PCDHGB2: variants seen among roughly 807,000 people sequenced by gnomAD.
PCDHGB2 encodes the protein protocadherin gamma-B2.
PCDHGB2 carries 55 observed loss-of-function variants against 59.3 expected under a neutral mutation model. The observed-to-expected ratio is 0.93, with a 90% confidence interval of 0.75 to 1.16. The LOEUF (loss-of-function observed/expected upper bound fraction) is 1.16. Ranked by LOEUF, PCDHGB2 falls within the 50% of genes most tolerant of loss-of-function variation. The pLI is 0.00. For missense variants in PCDHGB2, 1,228 were observed against 1,198.5 expected, an observed-to-expected ratio of 1.02 and a Z score of -0.36; for synonymous variants, 516 against 512.0, an observed-to-expected ratio of 1.01 and a Z score of -0.11.
chr5:141,455,833 G>A (rs999291826), intron 1 of PCDHGB2, among the ~76,000 whole-genome samples: 1 of 151,468 alleles, frequency 6.6e-6, no homozygotes, highest in Admixed American at 6.6e-5. Flanking sequence ...CCCTTTTCCT[G>A]TCTATCTGCA....
chr5:141,421,219 G>C (rs894586889), intron 1 of PCDHGB2: 1 of 1,573,208 alleles, frequency 6.4e-7, no homozygotes. Context: ...TATCGGCTTA[G>C]AGCCTGCCAT....
In PCDHGB2 at chr5:141,477,018, C is replaced by T. The variant is rs2099403540; in HGVS notation, c.2422-17789C>T. The T allele has an allele frequency of 3.1e-6, 5 of 1,614,262 alleles. No homozygotes were observed. Among genetic ancestry groups the T allele is most frequent in the Non-Finnish European group, 4.2e-6 (5 of 1,180,048 alleles). ...CAACTATTCGCCTTAGACCTTGTAA[C>T]CGGGATGCTGACAATCAAGGGTCGG... On this transcript the variant is annotated intron_variant, in intron 1 of 3. Coordinates refer to ENST00000522605, the MANE Select transcript of PCDHGB2 (RefSeq NM_018923.3). The surrounding 1 kb of genome is among the most constrained non-coding windows in gnomAD (Gnocchi z 4.9).
At position 141,423,457 on chromosome 5, in the gene PCDHGB2, G is replaced by A. The variant is rs148481587; in HGVS notation, c.2421+60901G>A. 6.9e-5 allele frequency: 111 copies of A among 1,614,010 alleles called. 2 individuals carry two copies. The South Asian group carries it at 9.3e-4, about 14-fold the overall frequency. ...TATGCCCACGTCACATTTTGTAGGC[G>A]TGGACGGGGTACAGGCTTTCCTGCA... On this transcript the variant is annotated intron_variant, in intron 1 of 3. Coordinates refer to ENST00000522605, the MANE Select transcript of PCDHGB2 (RefSeq NM_018923.3).
chr5:141,470,123 C>T (rs368463710), intron 1 of PCDHGB2, among the ~76,000 whole-genome samples: 11 of 151,234 alleles, frequency 7.3e-5, no homozygotes, highest in Admixed American at 3.3e-4. Flanking sequence ...AGCAAGACTT[C>T]GTCTCAAAAA....
In PCDHGB2 at chr5:141,394,672, G is replaced by A. The variant is rs1407775660; in HGVS notation, c.2421+32116G>A. 4 of 1,612,088 alleles carry A rather than the reference G, an allele frequency of 2.5e-6. No individual in the cohort carries two copies. In the African/African-American group the frequency reaches 5.4e-5, roughly 22 times the overall value. On this transcript the variant is annotated intron_variant, in intron 1 of 3. Transcript: ENST00000522605. Reference sequence around the variant, plus strand: ...AGCGAGCCGGGACTCTTCTCGGTGGGTCTGCACACGGGCGAGGTGCGCACG... The same window carrying A: ...AGCGAGCCGGGACTCTTCTCGGTGGATCTGCACACGGGCGAGGTGCGCACG...
chr5:141,375,785 C>G, intron 1 of PCDHGB2: 1 of 1,614,256 alleles, frequency 6.2e-7, no homozygotes, highest in Non-Finnish European at 8.5e-7. Context: ...CCCCGCCCTC[C>G]CCACAGACGG....
At chr5:141,393,227 A>G (rs1389818557) in intron 1 of PCDHGB2, 1 of 1,613,740 alleles carries the variant, frequency 6.2e-7, no homozygotes, top group Non-Finnish European at 8.5e-7. Context: ...TCGAAGATCT[A>G]GAAGTAAAAA....
Position 141,414,954 on chromosome 5 carries a change from C to T in PCDHGB2, c.2421+52398C>T, listed in dbSNP as rs759955017. ...CCGCAGAGCCCGGCTACCTGGTGAC[C>T]AAGGTGGTGGCGGTGGACAGAGACT... On this transcript the variant is annotated intron_variant, in intron 1 of 3. Coordinates refer to ENST00000522605, the MANE Select transcript of PCDHGB2 (RefSeq NM_018923.3). 10 of 1,614,058 alleles carry T rather than the reference C, an allele frequency of 6.2e-6. No individual in the cohort carries two copies. The Admixed American group carries it at 1.7e-4, about 27-fold the overall frequency.
At chr5:141,401,802 A>C (rs1030250595) in intron 1 of PCDHGB2, among the ~76,000 whole-genome samples, 162 of 152,148 alleles carry the variant, frequency 1.1e-3, no homozygotes, top group African/African-American at 3.7e-3. Context: ...TGATTCAGTA[A>C]ATGGGTTCCT....
Position 141,511,344 on chromosome 5 carries a change from T to G in PCDHGB2, c.*171T>G, listed in dbSNP as rs2099883730. 3 of 1,419,052 alleles carry G rather than the reference T, an allele frequency of 2.1e-6. No homozygotes were observed. Among genetic ancestry groups the G allele is most frequent in the Non-Finnish European group, 2.8e-6 (3 of 1,067,404 alleles). 87.9% of individuals were successfully genotyped at this position (1,419,052 alleles called of 1,614,324 possible). On this transcript the variant is annotated 3_prime_UTR_variant, in exon 4 of 4. Coordinates refer to ENST00000522605, the MANE Select transcript of PCDHGB2 (RefSeq NM_018923.3). The stretch of plus-strand genomic sequence containing the variant: ...CAAGTGCCCAGTCAGCACCTACCCC[T>G]TCCCCCCCAGGGGGTTGAATATGCA...
chr5:141,409,341 G>C, intron 1 of PCDHGB2: 1 of 1,613,976 alleles, frequency 6.2e-7, no homozygotes, highest in Non-Finnish European at 8.5e-7. Flanking sequence ...GGAGGAAATG[G>C]AGAAGTCAGG....
At chr5:141,419,689 G>T in intron 1 of PCDHGB2, 1 of 1,613,000 alleles carries the variant, frequency 6.2e-7, no homozygotes, top group African/African-American at 1.3e-5. Context: ...ACGTGGTGCA[G>T]GCCAGTGAGC....
At chr5:141,372,231 G>C (rs868293386) in intron 1 of PCDHGB2, 4 of 1,613,256 alleles carry the variant, frequency 2.5e-6, no homozygotes, top group Non-Finnish European at 3.4e-6. Context: ...GCAGGCCAGC[G>C]AGCCCGGGCT....
intron 1 of PCDHGB2, chr5:141,389,914 C>A (rs754458764): frequency 1.2e-6 from 2 of 1,613,956 alleles, no homozygotes; most frequent in African/African-American, 2.7e-5. Flanking sequence ...ACTGACCGCC[C>A]CGACCCCTCT....
At chr5:141,464,279 C>CAA (rs373828487) in intron 1 of PCDHGB2, among the ~76,000 whole-genome samples, 8,568 of 137,664 alleles carry the variant, frequency 0.062, 499 homozygotes, top group African/African-American at 0.16. Context: ...AAAAAAAAAG[C>CAA]AAAAAAAAAA....
At chr5:141,383,517 G>A (rs374823629) in intron 1 of PCDHGB2, 1 of 1,612,492 alleles carries the variant, frequency 6.2e-7, no homozygotes, top group Non-Finnish European at 8.5e-7. Context: ...AGGAAGAGCG[G>A]GTTCACCACC....
chr5:141,384,340 A>C (rs970369905), intron 1 of PCDHGB2: 6 of 1,613,856 alleles, frequency 3.7e-6, no homozygotes, highest in South Asian at 1.1e-5. Context: ...GGACCACGAC[A>C]GTGAGGATAA....
chr5:141,407,390 G>T (rs2094924861), intron 1 of PCDHGB2, among the ~76,000 whole-genome samples: 1 of 152,164 alleles, frequency 6.6e-6, no homozygotes, highest in Non-Finnish European at 1.5e-5. Flanking sequence ...GTATGTCATG[G>T]TAGGTAGTTA....
intron 1 of PCDHGB2, among the ~76,000 whole-genome samples, chr5:141,445,007 G>T (rs771023003): frequency 1.3e-5 from 2 of 151,994 alleles, no homozygotes; most frequent in African/African-American, 4.8e-5. Flanking sequence ...ATTTAATTAG[G>T]TCTTTAATTT....
Sources: gnomAD v4.1 joint callset for allele counts (sites outside exome capture counted in the v4.1 genomes callset) on GRCh38, gnomAD v4.1.1 for gene constraint, Gnocchi (gnomAD v3.1) non-coding constraint, MANE v1.5 for transcripts, NCBI Gene and HGNC (gene_info 2026-07-23, HGNC 2026-07-21) for gene names.